The following ITCH variants were observed in gnomAD, a reference collection of about 807,000 sequenced individuals.
ITCH encodes the protein itchy E3 ubiquitin protein ligase, also known as E3 ubiquitin-protein ligase Itchy homolog.
A neutral mutation model predicts 126.8 loss-of-function variants in ITCH; 28 were observed. The observed-to-expected ratio is 0.22, with a 90% confidence interval of 0.16 to 0.30. The LOEUF (loss-of-function observed/expected upper bound fraction) is 0.30. ITCH is among the 10% of genes least tolerant of loss of function. ITCH has a pLI of 1.00. For synonymous variants in ITCH, 342 were observed against 340.0 expected, an observed-to-expected ratio of 1.01 and a Z score of -0.06; for missense variants, 631 against 1,032.4, an observed-to-expected ratio of 0.61 and a Z score of 5.33.
intron 10 of ITCH, among the ~76,000 whole-genome samples, chr20:34,443,701 G>A (rs1427655988): frequency 7.2e-5 from 11 of 151,990 alleles, no homozygotes; most frequent in East Asian, 1.9e-4. Flanking sequence ...AGTTGCTGCC[G>A]GGGCTGGGCA....
chr20:34,467,227 CA>C (rs1309632234), intron 14 of ITCH, among the ~76,000 whole-genome samples: 4 of 152,030 alleles, frequency 2.6e-5, no homozygotes, highest in Non-Finnish European at 5.9e-5. Context: ...AAATCAAATG[CA>C]TAATTAAATA....
At chr20:34,488,978 G>A (rs569530375) in intron 20 of ITCH, among the ~76,000 whole-genome samples, 1 of 152,260 alleles carries the variant, frequency 6.6e-6, no homozygotes, top group African/African-American at 2.4e-5. Context: ...GGTCGAGACT[G>A]CAGTGAGCCA....
chr20:34,387,158 T>G (rs1019942019), intron 2 of ITCH, among the ~76,000 whole-genome samples: 1 of 151,582 alleles, frequency 6.6e-6, no homozygotes, highest in African/African-American at 2.4e-5. Context: ...CAAAAAAAAT[T>G]AGCCAGATGT....
chr20:34,454,817 G>GTTTTTTTTTTTTTTTTTTTTTTTTT, intron 12 of ITCH, among the ~76,000 whole-genome samples: 1 of 109,558 alleles, frequency 9.1e-6, no homozygotes, highest in East Asian at 2.9e-4. Context: ...TTCTTTTCCT[G>GTTTTTTTTTTTTTTTTTTTTTTTTT]TTTTTTTTTT....
intron 3 of ITCH, chr20:34,402,055 G>T: frequency 1.5e-6 from 1 of 687,346 alleles, no homozygotes; most frequent in Non-Finnish European, 2.5e-6. Context: ...TGGCAAAAAC[G>T]AATTTTAATT....
intron 2 of ITCH, among the ~76,000 whole-genome samples, chr20:34,383,969 C>T (rs1036564776): frequency 6.6e-6 from 1 of 150,730 alleles, no homozygotes; most frequent in Admixed American, 6.7e-5. Context: ...CTCAGCCTCC[C>T]GAGTATCTGA....
chr20:34,413,986 T>C (rs527726254), intron 6 of ITCH, 107 bp downstream of exon 6: 11 of 992,562 alleles, frequency 1.1e-5, no homozygotes, highest in Non-Finnish European at 1.7e-5. Context: ...ATTAATAAAA[T>C]GTTTTTTTCT....
intron 2 of ITCH, among the ~76,000 whole-genome samples, chr20:34,376,346 C>T (rs143540707): frequency 0.018 from 2,735 of 151,774 alleles, 37 homozygotes; most frequent in Non-Finnish European, 0.028. Context: ...TCGCTTAAGC[C>T]CAGGAGGTTG....
chr20:34,440,986 A>G (rs565597827), intron 9 of ITCH, among the ~76,000 whole-genome samples: 32 of 152,238 alleles, frequency 2.1e-4, no homozygotes, highest in African/African-American at 7.2e-4. Flanking sequence ...GAAGATCATT[A>G]TAGGCTGGGC....
intron 8 of ITCH, among the ~76,000 whole-genome samples, chr20:34,439,014 A>G (rs1983397119): frequency 6.6e-6 from 1 of 152,216 alleles, no homozygotes; most frequent in South Asian, 2.1e-4. Context: ...ACGAAAACCC[A>G]ACAATGCTAA....
intron 3 of ITCH, among the ~76,000 whole-genome samples, chr20:34,399,162 G>A (rs916685298): frequency 1.3e-5 from 2 of 152,274 alleles, no homozygotes; most frequent in South Asian, 2.1e-4. Flanking sequence ...GGAGGCCGAG[G>A]TGGGCGGATC....
rs1327102409 is a variant in ITCH, at chr20:34,367,760, T to C, written c.-98-1634T>C. On this transcript the variant is annotated intron_variant, in intron 1 of 24. Transcript: ENST00000374864. The stretch of plus-strand genomic sequence containing the variant: ...GTTAAATAATTTACCTGAAACTAGT[T>C]AAGAGTAAGAACTAGAACTAGAACT... 2.0e-5 allele frequency among the ~76,000 whole-genome samples: 3 copies of C among 152,210 alleles called. No individual in the cohort carries two copies. In the East Asian group the frequency reaches 5.8e-4, roughly 29 times the overall value.
At chr20:34,408,273 T>TA (rs1012652339) in intron 3 of ITCH, among the ~76,000 whole-genome samples, 2 of 152,188 alleles carry the variant, frequency 1.3e-5, no homozygotes, top group African/African-American at 2.4e-5. Context: ...GAGGTCTCGC[T>TA]ATGTTTTCCA....
intron 9 of ITCH, among the ~76,000 whole-genome samples, chr20:34,441,180 G>A (rs1281488626): frequency 1.3e-5 from 2 of 152,040 alleles, no homozygotes; most frequent in East Asian, 3.9e-4. Context: ...GCTGAGGCAG[G>A]AGAATTGCTT....
At position 34,393,783 on chromosome 20, in the gene ITCH, A is replaced by G. The variant is rs748557325; in HGVS notation, c.-21-8A>G. 10 of 1,544,894 alleles carry G rather than the reference A, an allele frequency of 6.5e-6. No individual in the cohort carries two copies. The highest frequency in any genetic ancestry group is 2.2e-5 in the East Asian group (1 of 44,600). On this transcript the variant is annotated splice_region_variant and splice_polypyrimidine_tract_variant and intron_variant, in intron 2 of 24. Transcript: ENST00000374864. ...TGATGTTTACAGTGTCTCCTTTGCC[A>G]TGTTCAGGTTTTCCAACCTATTGGT...
Position 34,442,440 on chromosome 20 carries a change from A to C in ITCH, c.965+137A>C, listed in dbSNP as rs138514126. On this transcript the variant is annotated intron_variant, in intron 10 of 24. Coordinates refer to ENST00000374864, the MANE Select transcript of ITCH (RefSeq NM_031483.7). ...TCCACTTTGTTTTGTGGTAAGTACA[A>C]ATTAAAAAGAAGAGAGCTAGACAAC... The C allele has an allele frequency of 1.2e-3, 805 of 682,634 alleles. 3 individuals carry two copies. In the African/African-American group the frequency reaches 0.013, roughly 11 times the overall value. The allele number at this position is 682,634 out of a possible 1,614,324, so 42.3% of individuals were successfully genotyped here.
At chr20:34,479,206 A>G (rs1434866297) in intron 17 of ITCH, among the ~76,000 whole-genome samples, 1 of 152,192 alleles carries the variant, frequency 6.6e-6, no homozygotes, top group Non-Finnish European at 1.5e-5. Flanking sequence ...TTAGTAATAG[A>G]TGGAATATTA....
At chr20:34,420,991 A>G (rs568707480) in intron 6 of ITCH, among the ~76,000 whole-genome samples, 5 of 152,228 alleles carry the variant, frequency 3.3e-5, no homozygotes, top group African/African-American at 2.4e-5. Flanking sequence ...GCTCTGGTTC[A>G]GCACCACAGG....
chr20:34,493,412 G>A (rs1212253062), intron 23 of ITCH, among the ~76,000 whole-genome samples: 1 of 152,204 alleles, frequency 6.6e-6, no homozygotes, highest in African/African-American at 2.4e-5. Flanking sequence ...AGGAAGATTT[G>A]ATAGGAAGAT....
Sources: gnomAD v4.1 joint callset for allele counts (sites outside exome capture counted in the v4.1 genomes callset) on GRCh38, gnomAD v4.1.1 for gene constraint, MANE v1.5 for transcripts, NCBI Gene and HGNC (gene_info 2026-07-23, HGNC 2026-07-21) for gene names.